PLEKHG4B: variants seen among roughly 807,000 people sequenced by gnomAD.
The protein encoded by PLEKHG4B is pleckstrin homology and RhoGEF domain containing G4B.
Under a neutral mutation model 121.3 loss-of-function variants are expected in PLEKHG4B, and 111 were observed. The observed-to-expected ratio is 0.92, with a 90% confidence interval of 0.78 to 1.07. The LOEUF (loss-of-function observed/expected upper bound fraction) is 1.07, where lower values mean the gene tolerates loss of function less well. Among genes scored for constraint, PLEKHG4B ranks in the 50% least tolerant of loss-of-function variants. The pLI is 0.00. For missense variants in PLEKHG4B, 1,831 were observed against 1,757.8 expected (o/e 1.04, Z -0.74); for synonymous variants, 738 against 725.0 (o/e 1.02, Z -0.29).
At chr5:147,021 C>G (rs999486375) in intron 6 of PLEKHG4B, among the ~76,000 whole-genome samples, 5 of 152,180 alleles carry the variant, frequency 3.3e-5, no homozygotes, top group African/African-American at 1.2e-4. Context: ...GTGGCATCCT[C>G]CAGAACTCCC....
At position 143,385 on chromosome 5, in the gene PLEKHG4B, C is replaced by A; in HGVS notation, c.1693C>A (p.Arg565=). ...QSGVVTLPGT[R]DRHGRAVVQV... is the part of the protein sequence containing the mutation. Reference sequence around the variant, plus strand: ...CCCTGTCTCTGTCTCCGCAGGGACCCGAGACCGTCATGGCAGAGCAGTGGT... The same window carrying A: ...CCCTGTCTCTGTCTCCGCAGGGACCAGAGACCGTCATGGCAGAGCAGTGGT... Residue 565 remains arginine, a synonymous_variant, in exon 5 of 20, where the codon CGA becomes AGA. Transcript: ENST00000637938. The A allele has an allele frequency of 1.2e-6, 2 of 1,612,320 alleles. No individual in the cohort carries two copies. Among genetic ancestry groups the A allele is most frequent in the Non-Finnish European group, 1.7e-6 (2 of 1,179,734 alleles).
chr5:185,204 T>C lies in PLEKHG4B; in HGVS notation c.*2881T>C, dbSNP rs1430047292. 6.6e-6 allele frequency: 1 copy of C among 152,106 alleles called. No individual in the cohort carries two copies. Among genetic ancestry groups the C allele is most frequent in the Non-Finnish European group, 1.5e-5 (1 of 68,008 alleles). The allele number at this position is 152,106 out of a possible 1,614,324, so 9.4% of individuals were successfully genotyped here. On this transcript the variant is annotated 3_prime_UTR_variant, in exon 20 of 20. Coordinates refer to ENST00000637938, the MANE Select transcript of PLEKHG4B (RefSeq NM_052909.5). ...ACACAGAAGACAAGTGGAGAGAGAC[T>C]GAAGCAGCCACTGGCCATCACAGCA...
At chr5:181,108 TCTC>T (rs889832342) in intron 18 of PLEKHG4B, among the ~76,000 whole-genome samples, 2 of 152,198 alleles carry the variant, frequency 1.3e-5, no homozygotes, top group African/African-American at 4.8e-5. Flanking sequence ...TTAGCTCTCC[TCTC>T]AATATTCAAA....
chr5:163,419 C>T lies in PLEKHG4B; in HGVS notation c.3347C>T (p.Thr1116Ile), dbSNP rs144505991. The T allele has an allele frequency of 7.0e-4, 1,130 of 1,612,990 alleles. 1 individual carries two copies. Among genetic ancestry groups the T allele is most frequent in the Non-Finnish European group, 7.0e-4 (828 of 1,180,036 alleles). The change falls in exon 13 of 20, where the codon ACT becomes ATT. Residue 1116 changes from threonine to isoleucine, a missense_variant. By Grantham distance (89) the Thr-to-Ile change is moderately conservative. Transcript: ENST00000637938. ...VFSKGLEVTS[T>I]VATEKKLPLW... ...AGCAAGGGCCTGGAGGTAACCAGCA[C>T]TGTAGCCACAGAGAAGAAGCTCCCG...
chr5:181,666 A>G lies in PLEKHG4B; in HGVS notation c.4555A>G (p.Lys1519Glu), dbSNP rs890526570. Residue 1519 changes from lysine (K) to glutamate (E), a missense_variant, in exon 19 of 20, where the codon AAG becomes GAG. By Grantham distance (56) the Lys-to-Glu change is moderately conservative. Transcript: ENST00000637938. ...MSDRVPDSIV[K>E]GTESQMRGST... ...CGACCGAGTCCCCGACAGCATCGTC[A>G]AGGGCACAGGTACGGTGGCTCGGTC... The G allele has an allele frequency of 2.5e-6, 4 of 1,613,212 alleles. No homozygotes were observed. The Admixed American group carries it at 5.0e-5, about 20-fold the overall frequency.
At chr5:141,866 C>T (rs1034786414) in intron 3 of PLEKHG4B, among the ~76,000 whole-genome samples, 4 of 152,108 alleles carry the variant, frequency 2.6e-5, no homozygotes, top group Non-Finnish European at 5.9e-5. Flanking sequence ...CCCTCCTTTC[C>T]GTGGGCTCCC....
Position 144,837 on chromosome 5 carries a change from C to T in PLEKHG4B, c.1822C>T (p.Arg608Trp), listed in dbSNP as rs202227892. Residue 608 changes from arginine (R) to tryptophan (W), a missense_variant, in exon 6 of 20, where the codon CGG (arginine) becomes TGG (tryptophan). By Grantham distance (101) the Arg-to-Trp change is moderately radical. Transcript: ENST00000637938. ...YFHSIPRKEV[R>W]DLGLVVLVDA... ...TCTTTCCCTCCCCAGGAAAGAGGTC[C>T]GGGACCTGGGGCTGGTTGTCCTGGT... 2.3e-5 allele frequency: 37 copies of T among 1,613,170 alleles called. No individual in the cohort carries two copies. Among genetic ancestry groups the T allele is most frequent in the South Asian group, 1.8e-4 (16 of 91,040 alleles).
At chr5:99,176 A>G (rs1231170664) in intron 1 of PLEKHG4B, among the ~76,000 whole-genome samples, 127 of 6,650 alleles carry the variant, frequency 0.019, 2 homozygotes, top group Non-Finnish European at 7.4e-3. Flanking sequence ...AAGTGTATAT[A>G]TATATATATA....
In PLEKHG4B at chr5:160,236, G is replaced by A. The variant is rs143706679; in HGVS notation, c.2488-1547G>A. On this transcript the variant is annotated intron_variant, in intron 11 of 19. Coordinates refer to ENST00000637938, the MANE Select transcript of PLEKHG4B (RefSeq NM_052909.5). ...CTCAGTCCCCGAGCCATGTTCACACGGCTCCCACACTGAAGGCCCTGGGCT... is the reference window on the plus strand; with the variant it reads ...CTCAGTCCCCGAGCCATGTTCACACAGCTCCCACACTGAAGGCCCTGGGCT... Among the ~76,000 whole-genome samples, 420 of 152,348 alleles carry A rather than the reference G, an allele frequency of 2.8e-3. 4 individuals are homozygous for A. Among genetic ancestry groups the A allele is most frequent in the African/African-American group, 9.5e-3 (396 of 41,580 alleles).
intron 13 of PLEKHG4B, among the ~76,000 whole-genome samples, chr5:164,995 GACGGGGCAGGGCTCACAGTA>G (rs1560945938): frequency 4.8e-5 from 3 of 62,680 alleles, no homozygotes; most frequent in Admixed American, 1.4e-4. Context: ...CTAATGCTCT[GACGGGGCAGGGCTCACAGTA>G]ATGCTCTGAC....
chr5:118,579 T>C (rs965693841), intron 2 of PLEKHG4B, among the ~76,000 whole-genome samples: 4 of 152,210 alleles, frequency 2.6e-5, no homozygotes, highest in African/African-American at 9.6e-5. Context: ...TCAATTAATA[T>C]TTTAAAGTTC....
chr5:177,477 T>C (rs949079204), intron 18 of PLEKHG4B, among the ~76,000 whole-genome samples: 2 of 152,204 alleles, frequency 1.3e-5, no homozygotes, highest in African/African-American at 2.4e-5. Flanking sequence ...GGTCAAATAA[T>C]ATACACTAGA....
At chr5:112,528 A>G (rs1024168288) in intron 1 of PLEKHG4B, among the ~76,000 whole-genome samples, 2 of 152,200 alleles carry the variant, frequency 1.3e-5, no homozygotes, top group African/African-American at 4.8e-5. Flanking sequence ...TAAAAACAGC[A>G]TTACAAATTT....
In PLEKHG4B at chr5:163,566, C is replaced by T. The variant is rs1579311166; in HGVS notation, c.3476+18C>T. ...GTGGGCAGGTGAGGTGGACGTCCCC[C>T]TCCTCTCGTCCTAGCAGTCCTTGGG... On this transcript the variant is annotated intron_variant, in intron 13 of 19. Transcript: ENST00000637938. 1.9e-6 allele frequency: 3 copies of T among 1,539,342 alleles called. No individual in the cohort carries two copies. Among genetic ancestry groups the T allele is most frequent in the Non-Finnish European group, 2.6e-6 (3 of 1,142,352 alleles).
At chr5:162,331 G>A (rs540295218) in intron 12 of PLEKHG4B, among the ~76,000 whole-genome samples, 1 of 152,166 alleles carries the variant, frequency 6.6e-6, no homozygotes, top group African/African-American at 2.4e-5. Context: ...GCCATTAGGA[G>A]CCCGGGCCAG....
intron 1 of PLEKHG4B, among the ~76,000 whole-genome samples, chr5:102,348 T>C (rs1032641996): frequency 6.6e-6 from 1 of 152,162 alleles, no homozygotes; most frequent in Admixed American, 6.6e-5. Context: ...ATTTTGTAAA[T>C]GGAAGTACTG....
chr5:169,545 C>T lies in PLEKHG4B; in HGVS notation c.3682C>T (p.Arg1228Cys), dbSNP rs542193129. 20 of 1,613,912 alleles carry T rather than the reference C, an allele frequency of 1.2e-5. No individual in the cohort carries two copies. Among genetic ancestry groups the T allele is most frequent in the African/African-American group, 4.0e-5 (3 of 75,066 alleles). ...HQQHFLRELE[R>C]CQHCPLAVGR... ...GCAGCACTTCCTCCGGGAGCTGGAG[C>T]GCTGCCAGCACTGCCCCTTGGCCGT... The change falls in exon 14 of 20, where the codon CGC becomes TGC. Residue 1228 changes from arginine to cysteine, a missense_variant. Transcript: ENST00000637938.
intron 1 of PLEKHG4B, among the ~76,000 whole-genome samples, chr5:100,206 A>T (rs1053982091): frequency 2.6e-5 from 4 of 152,214 alleles, no homozygotes; most frequent in Admixed American, 2.0e-4. Context: ...TATCTTAAAA[A>T]TGTAAATTTT....
At chr5:94,723 T>A (rs987151455) in intron 1 of PLEKHG4B, among the ~76,000 whole-genome samples, 2 of 150,660 alleles carry the variant, frequency 1.3e-5, no homozygotes, top group Non-Finnish European at 3.0e-5. Flanking sequence ...CTCGGGGAGG[T>A]GTCTGTGAAG....
Sources: allele counts gnomAD v4.1 joint callset (sites outside exome capture counted in the v4.1 genomes callset), GRCh38; gene constraint gnomAD v4.1.1; transcripts MANE v1.5; gene names NCBI Gene and HGNC (gene_info 2026-07-23, HGNC 2026-07-21).